VSTM4: variants seen among roughly 807,000 people sequenced by gnomAD.
The protein encoded by VSTM4 is V-set and transmembrane domain-containing protein 4.
In VSTM4, 20 loss-of-function variants were observed where a neutral mutation model predicts 36.4. That is an observed-to-expected ratio of 0.55 (90% confidence interval 0.39 to 0.80). VSTM4 has a LOEUF of 0.80. Ranked by LOEUF, VSTM4 falls within the 30% of genes least tolerant of loss-of-function variation. VSTM4 has a pLI of 0.00. For missense variants in VSTM4, 392 were observed against 404.5 expected (o/e 0.97, Z 0.26); for synonymous variants, 182 against 173.9 (o/e 1.05, Z -0.37).
intron 2 of VSTM4, among the ~76,000 whole-genome samples, chr10:49,105,185 CAG>C (rs1306808464): frequency 9.5e-6 from 1 of 105,556 alleles, no homozygotes; most frequent in African/African-American, 3.8e-5. Context: ...GAGAAAGAGA[CAG>C]AGAGAGAGAG....
chr10:49,106,697 C>T (rs907817375), intron 2 of VSTM4, among the ~76,000 whole-genome samples: 1 of 152,172 alleles, frequency 6.6e-6, no homozygotes, highest in Non-Finnish European at 1.5e-5. Flanking sequence ...GTGCCCGGCA[C>T]CCCCCAGCCA....
At chr10:49,061,495 C>A (rs184868645) in intron 5 of VSTM4, among the ~76,000 whole-genome samples, 1 of 152,268 alleles carries the variant, frequency 6.6e-6, no homozygotes, top group East Asian at 1.9e-4. Flanking sequence ...AAGGATCTAA[C>A]CAAAACTATA....
chr10:49,026,703 G>T (rs1487722944), intron 7 of VSTM4, among the ~76,000 whole-genome samples: 2 of 152,138 alleles, frequency 1.3e-5, no homozygotes, highest in African/African-American at 4.8e-5. Flanking sequence ...TCAGGATGTG[G>T]GTGTTGACAG....
intron 5 of VSTM4, among the ~76,000 whole-genome samples, chr10:49,057,734 C>T (rs545799986): frequency 2.0e-5 from 3 of 152,264 alleles, no homozygotes; most frequent in South Asian, 2.1e-4. Flanking sequence ...AGGGAGACCC[C>T]GTCCCTGCGT....
At chr10:49,083,762 T>G (rs909143523) in intron 3 of VSTM4, among the ~76,000 whole-genome samples, 1 of 152,244 alleles carries the variant, frequency 6.6e-6, no homozygotes, top group African/African-American at 2.4e-5. Context: ...GATTATGCTG[T>G]GGGGTATGTT....
At chr10:49,087,990 G>A (rs1029500262) in intron 2 of VSTM4, among the ~76,000 whole-genome samples, 1 of 131,062 alleles carries the variant, frequency 7.6e-6, no homozygotes, top group Admixed American at 7.1e-5. Context: ...TAATATATAT[G>A]TGTATATACA....
At chr10:49,051,661 G>A (rs1054317721) in intron 5 of VSTM4, among the ~76,000 whole-genome samples, 31 of 152,304 alleles carry the variant, frequency 2.0e-4, no homozygotes, top group Admixed American at 8.5e-4. Context: ...CTCCCAAAGT[G>A]CTGGGATTAC....
intron 4 of VSTM4, among the ~76,000 whole-genome samples, chr10:49,068,468 C>T (rs1784762664): frequency 6.6e-6 from 1 of 152,072 alleles, no homozygotes; most frequent in Admixed American, 6.5e-5. Flanking sequence ...GAGATGCACC[C>T]CTGCCAGCGC....
chr10:49,039,534 G>A (rs147536132), intron 7 of VSTM4, among the ~76,000 whole-genome samples: 1 of 152,100 alleles, frequency 6.6e-6, no homozygotes, highest in East Asian at 1.9e-4. Context: ...TCTTTCGTCT[G>A]GGGCTGGCTC....
intron 7 of VSTM4, among the ~76,000 whole-genome samples, chr10:49,034,705 C>T (rs1661832376): frequency 6.6e-6 from 1 of 151,902 alleles, no homozygotes; most frequent in Non-Finnish European, 1.5e-5. Flanking sequence ...TGATGTTTTT[C>T]TTTTCTTTTC....
chr10:49,098,444 A>C (rs1197007714), intron 2 of VSTM4, among the ~76,000 whole-genome samples: 1 of 152,090 alleles, frequency 6.6e-6, no homozygotes, highest in Admixed American at 6.5e-5. Flanking sequence ...TGACCTCTTA[A>C]TGTCTCCCCA....
At chr10:49,113,745 G>A (rs559187543) in intron 1 of VSTM4, among the ~76,000 whole-genome samples, 1 of 152,290 alleles carries the variant, frequency 6.6e-6, no homozygotes, top group East Asian at 1.9e-4. Flanking sequence ...CAGTTAAGAA[G>A]CTGTACTTAT....
chr10:49,111,652 G>A (rs941434038), intron 1 of VSTM4, among the ~76,000 whole-genome samples: 1 of 152,104 alleles, frequency 6.6e-6, no homozygotes, highest in Non-Finnish European at 1.5e-5. Flanking sequence ...GAGACGCATC[G>A]TCCCCCTCCC....
chr10:49,036,134 C>T (rs1019406701), intron 7 of VSTM4, among the ~76,000 whole-genome samples: 9 of 152,154 alleles, frequency 5.9e-5, no homozygotes, highest in Admixed American at 3.9e-4. Context: ...GCTTACCGAA[C>T]GCCGAGATAC....
In VSTM4 at chr10:49,018,489, A is replaced by G. The variant is rs921660902; in HGVS notation, c.*1161T>C. The G allele has an allele frequency of 2.0e-5, 3 of 152,234 alleles. No individual in the cohort carries two copies. Among genetic ancestry groups the G allele is most frequent in the African/African-American group, 7.2e-5 (3 of 41,444 alleles). 9.4% of individuals were successfully genotyped at this position (152,234 alleles called of 1,614,324 possible). On this transcript the variant is annotated 3_prime_UTR_variant, in exon 8 of 8. Transcript: ENST00000332853. ...TTATCATATATACATGGTCCACTACATAGTCAAACAATTTCTATAGTGGGC... is the reference window on the plus strand; with the variant it reads ...TTATCATATATACATGGTCCACTACGTAGTCAAACAATTTCTATAGTGGGC...
At chr10:49,080,841 C>G (rs1363165548) in intron 3 of VSTM4, among the ~76,000 whole-genome samples, 5 of 152,168 alleles carry the variant, frequency 3.3e-5, no homozygotes, top group Non-Finnish European at 2.9e-5. Context: ...TTAGAGAGGT[C>G]CAGAAGCTGA....
chr10:49,069,307 C>T (rs1486000461), intron 4 of VSTM4, among the ~76,000 whole-genome samples: 1 of 152,212 alleles, frequency 6.6e-6, no homozygotes, highest in Admixed American at 6.5e-5. Context: ...TTTGCACAGG[C>T]CCCGCAATAG....
At chr10:49,039,444 T>C (rs774674925) in intron 7 of VSTM4, among the ~76,000 whole-genome samples, 1 of 152,004 alleles carries the variant, frequency 6.6e-6, no homozygotes, top group Non-Finnish European at 1.5e-5. Context: ...AGAGGATGGA[T>C]TGGAGTGAGA....
chr10:49,059,090 C>T (rs1005080323), intron 5 of VSTM4, among the ~76,000 whole-genome samples: 1 of 152,248 alleles, frequency 6.6e-6, no homozygotes, highest in Non-Finnish European at 1.5e-5. Flanking sequence ...GACCAATTCA[C>T]TAGCACTGGC....
Sources: gnomAD v4.1 joint callset for allele counts (sites outside exome capture counted in the v4.1 genomes callset) on GRCh38, gnomAD v4.1.1 for gene constraint, MANE v1.5 for transcripts, NCBI Gene and HGNC (gene_info 2026-07-23, HGNC 2026-07-21) for gene names.